Variants in POLQ observed in about 807,000 individuals in gnomAD.
The protein encoded by POLQ is epididymis secretory sperm binding protein.
In POLQ, 233 loss-of-function variants were observed where a neutral mutation model predicts 259.2. The observed-to-expected ratio is 0.90, with a 90% CI of 0.81 to 1.00. POLQ has a LOEUF of 1.00. Ranked by LOEUF, POLQ falls within the 50% of genes least tolerant of loss-of-function variation. The probability of loss-of-function intolerance (pLI) is 0.00; values close to 1 mark genes in which losing one functional copy is unlikely to be tolerated. For synonymous variants in POLQ, 1,025 were observed against 1,048.8 expected (o/e 0.98, Z 0.44); for missense variants, 2,871 against 3,051.6 (o/e 0.94, Z 1.39).
intron 7 of POLQ, among the ~76,000 whole-genome samples, chr3:121,522,748 G>A (rs2048346433): frequency 6.6e-6 from 1 of 152,182 alleles, no homozygotes. Flanking sequence ...TTAGGAAACT[G>A]TGTAAGGGTA....
chr3:121,463,075 G>T (rs1183665875), intron 24 of POLQ, among the ~76,000 whole-genome samples: 1 of 152,144 alleles, frequency 6.6e-6, no homozygotes, highest in Non-Finnish European at 1.5e-5. Flanking sequence ...AAAAGCAAAA[G>T]ATCTTCAAAT....
intron 24 of POLQ, among the ~76,000 whole-genome samples, chr3:121,463,491 C>G (rs766835109): frequency 6.6e-6 from 1 of 152,158 alleles, no homozygotes; most frequent in Admixed American, 6.5e-5. Flanking sequence ...GGTAACCTAA[C>G]AGTATGATAG....
chr3:121,514,659 C>T (rs2048282502), intron 9 of POLQ, among the ~76,000 whole-genome samples: 1 of 151,882 alleles, frequency 6.6e-6, no homozygotes. Flanking sequence ...AACAGCATGG[C>T]TAGATCACCT....
rs759424019 is a variant in POLQ, at chr3:121,489,715, CAG to C, written c.3214_3215del (p.Leu1072ValfsTer2). ...GGTCTTCACAAAGACTAGGATTAGA[CAG>C]AGTCTGTCCTTGTAAATGGATTCTA... ...ACRIHLQGQT[L>X]SNPSLCEDPF... On this transcript the variant is annotated frameshift_variant, in exon 16 of 30. Coordinates refer to ENST00000264233, the MANE Select transcript of POLQ (RefSeq NM_199420.4). LOFTEE classifies it high-confidence loss of function. 7 of 1,612,800 alleles carry C rather than the reference CAG, an allele frequency of 4.3e-6. No homozygotes were observed. The Admixed American group carries it at 8.4e-5, about 19-fold the overall frequency.
chr3:121,510,341 T>A (rs1294433875), intron 10 of POLQ, 98 bp from the exon 11 acceptor site: 4 of 766,268 alleles, frequency 5.2e-6, no homozygotes, highest in Non-Finnish European at 8.8e-6. Context: ...ACTTTGGGAG[T>A]CCGAGGCGGG....
At chr3:121,473,727 CT>C (rs10636473) in intron 20 of POLQ, among the ~76,000 whole-genome samples, 1,420 of 114,218 alleles carry the variant, frequency 0.012, 13 homozygotes, top group African/African-American at 0.041. Context: ...AACACAAGGC[CT>C]TTTTTTTTTT....
In POLQ at chr3:121,475,707, A is replaced by C. The variant is rs184956984; in HGVS notation, c.6405+833T>G. Among the ~76,000 whole-genome samples the C allele has an allele frequency of 1.8e-3, 267 of 152,326 alleles. 2 individuals are homozygous for C. The highest frequency in any genetic ancestry group is 5.6e-3 in the Admixed American group (85 of 15,282). On this transcript the variant is annotated intron_variant, in intron 20 of 29. Transcript: ENST00000264233. ...CCTTCCAGGTAACTGCCATTTTGACATGCAGGACGAAGAAGCCAATACTAT... is the reference window on the plus strand; with the variant it reads ...CCTTCCAGGTAACTGCCATTTTGACCTGCAGGACGAAGAAGCCAATACTAT...
chr3:121,514,345 C>G (rs955470617), intron 9 of POLQ, among the ~76,000 whole-genome samples: 3 of 101,318 alleles, frequency 3.0e-5, no homozygotes, highest in Admixed American at 3.0e-4. Context: ...AAAAAAACAA[C>G]AACAACAACA....
chr3:121,480,502 T>A (rs919940559), intron 19 of POLQ, among the ~76,000 whole-genome samples: 1 of 152,052 alleles, frequency 6.6e-6, no homozygotes, highest in African/African-American at 2.4e-5. Flanking sequence ...CCCTTTTTTT[T>A]TTGAGATGGG....
At position 121,489,941 on chromosome 3, in the gene POLQ, T is replaced by C; in HGVS notation, c.2990A>G (p.Asn997Ser). The C allele has an allele frequency of 1.3e-6, 2 of 1,578,958 alleles. No individual in the cohort carries two copies. Among genetic ancestry groups the C allele is most frequent in the Non-Finnish European group, 1.7e-6 (2 of 1,170,070 alleles). ...CTGAGAGGCTCCTGGCTTCTCTTTA[T>C]TTATATCTAAAGAGGCCCGTTTTCT... is the stretch of plus-strand genomic sequence containing the variant. ...RARKRASLDI[N>S]KEKPGASQNE... Residue 997 changes from asparagine to serine, a missense_variant, in exon 16 of 30, where the codon AAT (asparagine) becomes AGT (serine). Asn to Ser is a conservative substitution (Grantham distance 46). Around this residue, in one of 3 missense-constraint regions of POLQ, gnomAD observed 2,080 missense variants for 2,126.0 expected, o/e 0.98. Transcript: ENST00000264233.
intron 24 of POLQ, among the ~76,000 whole-genome samples, chr3:121,466,235 CT>C (rs2047834432): frequency 6.6e-6 from 1 of 151,308 alleles, no homozygotes; most frequent in South Asian, 2.1e-4. Flanking sequence ...TTGCATTTTC[CT>C]ACTCCAGAAT....
rs1369757089 is a variant in POLQ at position 121,488,309 on chromosome 3, T to C, written c.4622A>G (p.Asn1541Ser). ...DLIKKSNVNE[N>S]QDTHQQLTCS... ...AGTCAACTGCTGGTGGGTATCTTGA[T>C]TCTCATTTACATTTGATTTTTTAAT... Residue 1541 changes from asparagine (N) to serine (S), a missense_variant, in exon 16 of 30, where the codon AAT becomes AGT. Coordinates refer to ENST00000264233, the MANE Select transcript of POLQ (RefSeq NM_199420.4). 18 of 1,612,642 alleles carry C rather than the reference T, an allele frequency of 1.1e-5. No homozygotes were observed. The highest frequency in any genetic ancestry group is 2.2e-5 in the East Asian group (1 of 44,856).
intron 25 of POLQ, among the ~76,000 whole-genome samples, chr3:121,456,966 C>T (rs923582938): frequency 1.3e-5 from 2 of 152,148 alleles, no homozygotes; most frequent in Non-Finnish European, 2.9e-5. Context: ...AGGCATCAAG[C>T]TACCTGACTT....
intron 7 of POLQ, among the ~76,000 whole-genome samples, chr3:121,523,870 T>A (rs2048354980): frequency 6.6e-6 from 1 of 152,176 alleles, no homozygotes; most frequent in African/African-American, 2.4e-5. Context: ...TTAAAAAATT[T>A]TAAGGAATCA....
Position 121,511,115 on chromosome 3 carries a change from A to T in POLQ, c.1611+772T>A, listed in dbSNP as rs541571043. On this transcript the variant is annotated intron_variant, in intron 10 of 29. Coordinates refer to ENST00000264233, the MANE Select transcript of POLQ (RefSeq NM_199420.4). The stretch of plus-strand genomic sequence containing the variant: ...GTGGCGGGCGCCTGTAGTCCCAACT[A>T]CTCGGGAGGCTGAGGCAGGAGAATG... 4.4e-3 allele frequency among the ~76,000 whole-genome samples: 670 copies of T among 151,688 alleles called. 7 individuals are homozygous for T. Among genetic ancestry groups the T allele is most frequent in the African/African-American group, 0.015 (628 of 41,368 alleles).
Position 121,449,346 on chromosome 3 carries a change from G to C in POLQ, c.7233C>G (p.Cys2411Trp). The C allele has an allele frequency of 1.3e-6, 2 of 1,586,262 alleles. No individual in the cohort carries two copies. Among genetic ancestry groups the C allele is most frequent in the South Asian group, 1.1e-5 (1 of 90,520 alleles). Residue 2411 changes from cysteine to tryptophan, a missense_variant, in exon 26 of 30, where the codon TGC becomes TGG. Physicochemically the swap from Cys to Trp is radical, Grantham distance 215. Coordinates refer to ENST00000264233, the MANE Select transcript of POLQ (RefSeq NM_199420.4). The stretch of plus-strand genomic sequence containing the variant: ...ATCTGGATTTGAAGGAGTCAATATA[G>C]CATGCAGCATCATTTTCTTTAATGC... ...QMGIKENDAACYIDSFKSRYT... is the reference protein window; with the variant it reads ...QMGIKENDAAWYIDSFKSRYT...
At chr3:121,482,266 C>A (rs2047977275) in intron 18 of POLQ, among the ~76,000 whole-genome samples, 1 of 152,148 alleles carries the variant, frequency 6.6e-6, no homozygotes, top group Non-Finnish European at 1.5e-5. Flanking sequence ...CACCTGTAAT[C>A]CCAGCACTTT....
chr3:121,458,687 G>A (rs1026354960), intron 25 of POLQ, among the ~76,000 whole-genome samples: 12 of 152,184 alleles, frequency 7.9e-5, no homozygotes, highest in African/African-American at 2.2e-4. Flanking sequence ...TTAAATAGTG[G>A]AAGAAACAAG....
At chr3:121,452,423 A>T (rs995201848) in intron 25 of POLQ, among the ~76,000 whole-genome samples, 1 of 150,760 alleles carries the variant, frequency 6.6e-6, no homozygotes, top group Non-Finnish European at 1.5e-5. Flanking sequence ...ACTGCCCCCC[A>T]CCGCCACGTT....
Sources: gnomAD v4.1 joint callset for allele counts (sites outside exome capture counted in the v4.1 genomes callset) on GRCh38, gnomAD v4.1.1 for gene constraint, gnomAD v4.1.1 regional missense constraint, MANE v1.5 for transcripts, NCBI Gene and HGNC (gene_info 2026-07-23, HGNC 2026-07-21) for gene names.